The following GATA4 variants were observed in gnomAD, a reference collection of about 807,000 sequenced individuals.
GATA4 encodes GATA binding protein 4, also known as transcription factor GATA-4.
Under a neutral mutation model 37.9 loss-of-function variants are expected in GATA4, and 7 were observed. The ratio of observed to expected loss-of-function variants is 0.18; its 90% CI spans 0.11 to 0.35. The LOEUF (loss-of-function observed/expected upper bound fraction) is 0.35. GATA4 is among the 10% of genes least tolerant of loss of function. The pLI is 1.00. For synonymous variants in GATA4, 372 were observed against 292.6 expected, an observed-to-expected ratio of 1.27 and a Z score of -2.77; for missense variants, 647 against 653.0, an observed-to-expected ratio of 0.99 and a Z score of 0.10.
intron 2 of GATA4, among the ~76,000 whole-genome samples, chr8:11,726,289 G>T (rs572642742): frequency 1.2e-3 from 181 of 152,334 alleles, no homozygotes; most frequent in African/African-American, 4.1e-3. Context: ...TGGATCCCTG[G>T]CCAGTTTTAC....
upstream of GATA4, among the ~76,000 whole-genome samples, chr8:11,690,950 G>A (rs1799293520): frequency 6.6e-6 from 1 of 152,230 alleles, no homozygotes; most frequent in Admixed American, 6.5e-5. Context: ...CAGTTTTTGA[G>A]TTCTGCAGTC....
Position 11,758,895 on chromosome 8 carries a change from T to C in GATA4, c.*420T>C, listed in dbSNP as rs1802744030. ...TGACGGCATCTGTTTGCCATGTACC[T>C]GGATGCGACGGGCCCCTGGGGACAG... On this transcript the variant is annotated 3_prime_UTR_variant, in exon 7 of 7. Coordinates refer to ENST00000532059, the MANE Select transcript of GATA4 (RefSeq NM_001308093.3). 1.3e-5 allele frequency: 4 copies of C among 316,758 alleles called. No homozygotes were observed. Among genetic ancestry groups the C allele is most frequent in the South Asian group, 8.6e-5 (3 of 35,020 alleles). The allele number at this position is 316,758 out of a possible 1,614,324, so 19.6% of individuals were successfully genotyped here. A position where few individuals can be genotyped will look rare whatever the true frequency, so the allele number is the denominator to read the frequency against.
chr8:11,702,160 C>T (rs1799698374), upstream of GATA4, among the ~76,000 whole-genome samples: 1 of 152,212 alleles, frequency 6.6e-6, no homozygotes, highest in South Asian at 2.1e-4. The surrounding 1 kb of genome is among the most constrained non-coding windows in gnomAD (Gnocchi z 4.4). Flanking sequence ...GAGAAGCCGG[C>T]GTAGGAGCGC....
At position 11,708,801 on chromosome 8, in the gene GATA4, G is replaced by A. The variant is rs1256296262; in HGVS notation, c.489G>A (p.Pro163=). The A allele has an allele frequency of 6.8e-7, 1 of 1,477,920 alleles. No individual in the cohort carries two copies. The allele number at this position is 1,477,920 out of a possible 1,614,324, so 91.6% of individuals were successfully genotyped here. A position where few individuals can be genotyped will look rare whatever the true frequency, so the allele number is the denominator to read the frequency against. The change falls in exon 2 of 7, where the codon CCG becomes CCA. Residue 163 remains proline (P), a synonymous_variant. Transcript: ENST00000532059. This position sits in a 1 kb window ranked among gnomAD's most constrained non-coding sequence, Gnocchi z 6.7. The stretch of plus-strand genomic sequence containing the variant: ...CGGGCTCCTACTCCAGCCCCTACCC[G>A]GCTTACATGGCCGACGTGGGCGCGT... ...GFAGSYSSPY[P]AYMADVGASW...
At chr8:11,704,773 T>G (rs12546133) in intron 1 of GATA4, among the ~76,000 whole-genome samples, 152,353 of 152,354 alleles carry the variant, frequency 1, 76,176 homozygotes, top group Non-Finnish European at 1. Flanking sequence ...GCCAGGCAGC[T>G]CCGCTGGGCC....
intron 2 of GATA4, among the ~76,000 whole-genome samples, chr8:11,723,820 A>G (rs1038236644): frequency 6.6e-6 from 1 of 152,216 alleles, no homozygotes; most frequent in Non-Finnish European, 1.5e-5. Context: ...TAAACTATAC[A>G]TAAGATAAAA....
intron 2 of GATA4, among the ~76,000 whole-genome samples, chr8:11,746,083 C>A (rs1285591217): frequency 2.0e-5 from 3 of 152,216 alleles, no homozygotes; most frequent in East Asian, 3.9e-4. Context: ...AATTTGAGAC[C>A]AGCCTGGGCA....
chr8:11,697,549 C>T, intron 1 of GATA4: 1 of 985,344 alleles, frequency 1.0e-6, no homozygotes, highest in Non-Finnish European at 1.2e-6. Flanking sequence ...GGCCACTTTC[C>T]CCTCCACCGC....
intron 4 of GATA4, among the ~76,000 whole-genome samples, chr8:11,754,068 G>A (rs1232145796): frequency 6.6e-6 from 1 of 152,200 alleles, no homozygotes; most frequent in Non-Finnish European, 1.5e-5. Flanking sequence ...GTCTCTTACT[G>A]CTCCCCACCA....
At chr8:11,751,288 T>G (rs1002402768) in intron 4 of GATA4, among the ~76,000 whole-genome samples, 5 of 152,140 alleles carry the variant, frequency 3.3e-5, no homozygotes, top group African/African-American at 1.2e-4. Context: ...AAAGGCAAGG[T>G]GCCCAACACT....
At chr8:11,697,161 C>T (rs1451073659) in intron 1 of GATA4, among the ~76,000 whole-genome samples, 1 of 152,238 alleles carries the variant, frequency 6.6e-6, no homozygotes, top group African/African-American at 2.4e-5. Flanking sequence ...CCTTTGGCAA[C>T]TTGCTGTTCA....
intron 2 of GATA4, among the ~76,000 whole-genome samples, chr8:11,733,032 A>G (rs907065030): frequency 2.0e-5 from 3 of 152,212 alleles, no homozygotes; most frequent in African/African-American, 4.8e-5. Context: ...ATGAGATAGG[A>G]AAGAAAGCGG....
chr8:11,703,376 T>C (rs1352181249), upstream of GATA4, among the ~76,000 whole-genome samples: 1 of 152,078 alleles, frequency 6.6e-6, no homozygotes, highest in East Asian at 1.9e-4. Flanking sequence ...TGACGCCGAC[T>C]CCCAACTCAG....
At chr8:11,714,886 GGA>G (rs1405364456) in intron 2 of GATA4, among the ~76,000 whole-genome samples, 1 of 152,172 alleles carries the variant, frequency 6.6e-6, no homozygotes, top group East Asian at 1.9e-4. Flanking sequence ...TGACCTTTAT[GGA>G]GAGTCTTAGG....
chr8:11,708,268 T>G lies in GATA4; in HGVS notation c.-45T>G. On this transcript the variant is annotated 5_prime_UTR_variant, in exon 2 of 7. Transcript: ENST00000532059. This position sits in a 1 kb window ranked among gnomAD's most constrained non-coding sequence, Gnocchi z 6.7. ...TCTCTCCCCGCGTGGCTCCTTGACC[T>G]GCGAGGGAGAGAGAGGACACCGAAG... is the stretch of plus-strand genomic sequence containing the variant. 6.5e-7 allele frequency: 1 copy of G among 1,544,360 alleles called. No homozygotes were observed. The highest frequency in any genetic ancestry group is 8.7e-7 in the Non-Finnish European group (1 of 1,150,682).
chr8:11,679,949 AC>A (rs984763293), intron 1 of GATA4, among the ~76,000 whole-genome samples: 1 of 152,138 alleles, frequency 6.6e-6, no homozygotes, highest in Admixed American at 6.5e-5. Flanking sequence ...CTCTTTTTGC[AC>A]TGGGGTTTTG....
At chr8:11,754,165 G>A (rs1802439776) in intron 4 of GATA4, among the ~76,000 whole-genome samples, 1 of 152,212 alleles carries the variant, frequency 6.6e-6, no homozygotes, top group African/African-American at 2.4e-5. Flanking sequence ...AACTCACTGG[G>A]ACTGTTGCTG....
upstream of GATA4, chr8:11,700,732 C>G (rs368952431): frequency 2.6e-5 from 4 of 152,264 alleles, no homozygotes; most frequent in South Asian, 6.2e-4. Context: ...GCGGCAGGGC[C>G]GCAGAGGCGC....
In GATA4 at chr8:11,749,401, A is replaced by T. The variant is rs1802183999; in HGVS notation, c.786+316A>T. On this transcript the variant is annotated intron_variant, in intron 3 of 6. Coordinates refer to ENST00000532059, the MANE Select transcript of GATA4 (RefSeq NM_001308093.3). The surrounding 1 kb of genome is among the most constrained non-coding windows in gnomAD (Gnocchi z 4.6). ...CCAGAATCCAGGTTTCCTGGTTCCC[A>T]GTCCAGTGTTGACTGGAGTGTCTCC... Among the ~76,000 whole-genome samples, 1 of 152,158 alleles carries T rather than the reference A, an allele frequency of 6.6e-6. No individual in the cohort carries two copies. Among genetic ancestry groups the T allele is most frequent in the African/African-American group, 2.4e-5 (1 of 41,438 alleles).
Sources: allele counts gnomAD v4.1 joint callset (sites outside exome capture counted in the v4.1 genomes callset), GRCh38; gene constraint gnomAD v4.1.1; non-coding constraint Gnocchi (gnomAD v3.1); transcripts MANE v1.5; gene names NCBI Gene and HGNC (gene_info 2026-07-23, HGNC 2026-07-21).